Variants in BMAL2 observed in about 807,000 individuals in gnomAD.
BMAL2 encodes basic helix-loop-helix ARNT-like protein 2.
the BMAL2 span, among the ~76,000 whole-genome samples, chr12:27,357,389 A>G: frequency 9.8e-5 from 15 of 152,344 alleles, no homozygotes; most frequent in East Asian, 1.9e-3. Context: ...ATGGAAACAC[A>G]TCCCATGCTC....
chr12:27,377,836 A>G, the BMAL2 span, among the ~76,000 whole-genome samples: 1 of 152,170 alleles, frequency 6.6e-6, no homozygotes, highest in African/African-American at 2.4e-5. Context: ...TCTGAATCCT[A>G]TCCACTTCGC....
At chr12:27,390,014 C>T in the BMAL2 span, 42 of 1,513,366 alleles carry the variant, frequency 2.8e-5, no homozygotes, top group East Asian at 8.6e-4. Flanking sequence ...AATAGATGGT[C>T]AGAAAATGTT....
the BMAL2 span, chr12:27,390,077 G>A: frequency 6.2e-5 from 100 of 1,609,638 alleles, no homozygotes; most frequent in Admixed American, 1.5e-3. Flanking sequence ...CTATTCTCTC[G>A]CCCCCTTCTG....
the BMAL2 span, among the ~76,000 whole-genome samples, chr12:27,386,728 C>G: frequency 2.0e-5 from 3 of 152,128 alleles, no homozygotes; most frequent in South Asian, 6.2e-4. Context: ...CTCCCGGGCT[C>G]AAGCCATCCT....
chr12:27,360,949 T>C, the BMAL2 span, among the ~76,000 whole-genome samples: 1 of 151,986 alleles, frequency 6.6e-6, no homozygotes, highest in Admixed American at 6.6e-5. Context: ...TTACACAGAA[T>C]AAATTATTTT....
chr12:27,393,480 A>G, the BMAL2 span, among the ~76,000 whole-genome samples: 2 of 152,316 alleles, frequency 1.3e-5, no homozygotes, highest in East Asian at 3.9e-4. Context: ...TCACTGCTTT[A>G]GACTCTTTTC....
At chr12:27,343,137 G>A in the BMAL2 span, among the ~76,000 whole-genome samples, 88 of 152,352 alleles carry the variant, frequency 5.8e-4, no homozygotes, top group Non-Finnish European at 8.4e-4. Context: ...ATATTATGCC[G>A]AGATCGTATT....
the BMAL2 span, among the ~76,000 whole-genome samples, chr12:27,349,972 C>T: frequency 1.3e-5 from 2 of 152,154 alleles, no homozygotes; most frequent in Non-Finnish European, 2.9e-5. Flanking sequence ...TTCATTGTGG[C>T]AGGGGCTTGC....
the BMAL2 span, among the ~76,000 whole-genome samples, chr12:27,399,443 A>T: frequency 1.3e-5 from 2 of 152,156 alleles, no homozygotes; most frequent in Admixed American, 6.5e-5. Flanking sequence ...ACCTGGTGTG[A>T]CCTTGCCATT....
chr12:27,404,637 G>A, the BMAL2 span, among the ~76,000 whole-genome samples: 4 of 152,274 alleles, frequency 2.6e-5, no homozygotes, highest in South Asian at 2.1e-4. Flanking sequence ...CAAGATGGCC[G>A]AATAGGAACA....
chr12:27,382,834 G>A, the BMAL2 span, among the ~76,000 whole-genome samples: 2 of 152,160 alleles, frequency 1.3e-5, no homozygotes, highest in Admixed American at 1.3e-4. Flanking sequence ...CTTTTTAAAC[G>A]ATCTGGATGA....
At chr12:27,338,584 T>C in the BMAL2 span, among the ~76,000 whole-genome samples, 397 of 152,216 alleles carry the variant, frequency 2.6e-3, 2 homozygotes, top group African/African-American at 9.2e-3. Context: ...TGGCTTTGGA[T>C]AGGAAAACTG....
chr12:27,394,239 A>C, the BMAL2 span, among the ~76,000 whole-genome samples: 2 of 151,998 alleles, frequency 1.3e-5, no homozygotes, highest in African/African-American at 4.8e-5. Flanking sequence ...ACTACAACAC[A>C]CAAGTCTGTC....
chr12:27,332,941 C>G, the BMAL2 span: 2 of 629,994 alleles, frequency 3.2e-6, no homozygotes, highest in Non-Finnish European at 4.2e-6. Flanking sequence ...GCGGCCGCCG[C>G]GGCACCCGGC....
the BMAL2 span, among the ~76,000 whole-genome samples, chr12:27,379,769 G>A: frequency 3.1e-4 from 47 of 152,030 alleles, 1 homozygote; most frequent in Admixed American, 2.1e-3. Context: ...GGGGGAAGAC[G>A]GTAGCAAGAA....
chr12:27,377,138 C>T, the BMAL2 span, among the ~76,000 whole-genome samples: 1 of 151,836 alleles, frequency 6.6e-6, no homozygotes, highest in African/African-American at 2.4e-5. Flanking sequence ...TGCTTTTTCT[C>T]CACTTATTTT....
chr12:27,402,796 A>C, the BMAL2 span: 1 of 927,434 alleles, frequency 1.1e-6, no homozygotes, highest in Non-Finnish European at 1.6e-6. Flanking sequence ...GTAGTTCTGC[A>C]GGTTGGGTTA....
the BMAL2 span, among the ~76,000 whole-genome samples, chr12:27,369,759 A>C: frequency 2.0e-5 from 3 of 152,246 alleles, no homozygotes; most frequent in Non-Finnish European, 2.9e-5. Context: ...TGGAGGGCAC[A>C]GATGAGACCT....
chr12:27,366,135 G>C, the BMAL2 span, among the ~76,000 whole-genome samples: 13 of 151,898 alleles, frequency 8.6e-5, no homozygotes, highest in Admixed American at 2.6e-4. Context: ...TTTGTTCCTG[G>C]CTTCCAACAC....
Sources: gnomAD v4.1 joint callset for allele counts (sites outside exome capture counted in the v4.1 genomes callset) on GRCh38, gnomAD v4.1.1 for gene constraint, MANE v1.5 for transcripts, NCBI Gene and HGNC (gene_info 2026-07-23, HGNC 2026-07-21) for gene names.